Variants in PCDH15 observed in about 807,000 individuals in gnomAD.
PCDH15 encodes the protein protocadherin-15.
PCDH15 carries 129 observed loss-of-function variants against 178.5 expected under a neutral mutation model. The observed-to-expected ratio is 0.72, with a 90% CI of 0.63 to 0.84. PCDH15 has a LOEUF of 0.84. PCDH15 is among the 40% of genes least tolerant of loss of function. The probability of loss-of-function intolerance (pLI) is 0.00; values close to 1 mark genes in which losing one functional copy is unlikely to be tolerated. For synonymous variants in PCDH15, 800 were observed against 732.0 expected (o/e 1.09, Z -1.50); for missense variants, 2,230 against 2,099.9 (o/e 1.06, Z -1.21).
intron 3 of PCDH15, among the ~76,000 whole-genome samples, chr10:54,511,600 T>C (rs1236844909): frequency 6.6e-6 from 1 of 152,198 alleles, no homozygotes; most frequent in Non-Finnish European, 1.5e-5. Context: ...TATCATACGG[T>C]CACTTTATGG....
chr10:55,186,337 T>C (rs1839799103), intron 1 of PCDH15, among the ~76,000 whole-genome samples: 2 of 151,472 alleles, frequency 1.3e-5, no homozygotes, highest in Admixed American at 1.3e-4. Context: ...CATTTTTCTT[T>C]GTATTTTTTA....
chr10:54,470,104 G>A (rs2077800144), intron 3 of PCDH15, among the ~76,000 whole-genome samples: 1 of 152,166 alleles, frequency 6.6e-6, no homozygotes, highest in Non-Finnish European at 1.5e-5. Context: ...GTATACAGGG[G>A]TGGAGTGATC....
intron 21 of PCDH15, among the ~76,000 whole-genome samples, chr10:53,990,073 A>G (rs201550278): frequency 6.6e-6 from 1 of 152,186 alleles, no homozygotes; most frequent in Admixed American, 6.5e-5. Context: ...GGAAATGTCC[A>G]TAATTACATA....
At chr10:55,121,783 A>C (rs577569099) in intron 2 of PCDH15, among the ~76,000 whole-genome samples, 6 of 152,224 alleles carry the variant, frequency 3.9e-5, no homozygotes, top group Non-Finnish European at 7.4e-5. Flanking sequence ...ATATAAGGAC[A>C]CAACTTTCAT....
At chr10:54,898,368 T>C (rs908758979) in intron 2 of PCDH15, among the ~76,000 whole-genome samples, 1 of 152,122 alleles carries the variant, frequency 6.6e-6, no homozygotes, top group African/African-American at 2.4e-5. Flanking sequence ...AATAATACAA[T>C]AATAAACTAG....
intron 2 of PCDH15, chr10:54,599,627 C>T: frequency 3.0e-6 from 1 of 332,154 alleles, no homozygotes; most frequent in South Asian, 2.9e-5. Context: ...ATGCCAAAAG[C>T]AATCACAGCA....
At chr10:54,112,842 A>T (rs1219359192) in intron 15 of PCDH15, among the ~76,000 whole-genome samples, 1 of 152,198 alleles carries the variant, frequency 6.6e-6, no homozygotes, top group African/African-American at 2.4e-5. Context: ...CTGGGGTAAC[A>T]GTTCATTACA....
chr10:54,015,700 G>C (rs1428964396), intron 20 of PCDH15, among the ~76,000 whole-genome samples: 1 of 152,138 alleles, frequency 6.6e-6, no homozygotes, highest in South Asian at 2.1e-4. Flanking sequence ...CTATACATAT[G>C]TAGAAAAATG....
chr10:53,809,631 A>C (rs2075795370), intron 37 of PCDH15: 5 of 1,303,654 alleles, frequency 3.8e-6, no homozygotes, highest in Non-Finnish European at 2.1e-6. Flanking sequence ...CGCAGGAATG[A>C]ATCTGTGGGT....
chr10:53,840,574 A>G, intron 28 of PCDH15, 78 bp from the exon 29 acceptor site: 1 of 1,325,026 alleles, frequency 7.5e-7, no homozygotes, highest in Admixed American at 1.9e-5. Flanking sequence ...ACTTGAAAAG[A>G]CATTTAGTAA....
At chr10:54,025,090 T>C (rs1372777009) in intron 18 of PCDH15, among the ~76,000 whole-genome samples, 1 of 152,190 alleles carries the variant, frequency 6.6e-6, no homozygotes, top group African/African-American at 2.4e-5. Context: ...TAATTGAATA[T>C]TTATTATGGT....
At chr10:54,357,882 T>C (rs528646780) in intron 5 of PCDH15, among the ~76,000 whole-genome samples, 37 of 152,182 alleles carry the variant, frequency 2.4e-4, no homozygotes, top group Admixed American at 2.0e-4. Context: ...TATCTGATCT[T>C]TGACAAACCT....
intron 1 of PCDH15, among the ~76,000 whole-genome samples, chr10:54,691,956 A>T (rs2095129814): frequency 6.6e-6 from 1 of 152,196 alleles, no homozygotes; most frequent in Admixed American, 6.5e-5. Flanking sequence ...TGGCCACTTC[A>T]CAAGGAAGAA....
At chr10:54,288,521 G>C (rs553241616) in intron 8 of PCDH15, among the ~76,000 whole-genome samples, 2 of 152,080 alleles carry the variant, frequency 1.3e-5, no homozygotes, top group Non-Finnish European at 2.9e-5. Context: ...TTGAATAGTG[G>C]GTGCAGCCCA....
intron 15 of PCDH15, among the ~76,000 whole-genome samples, chr10:54,116,423 C>T (rs1331832859): frequency 8.5e-5 from 13 of 152,206 alleles, no homozygotes; most frequent in South Asian, 4.1e-4. Flanking sequence ...AGAAGGTTTA[C>T]GGGACCAAGA....
chr10:54,455,615 C>T (rs2076766895), intron 3 of PCDH15, among the ~76,000 whole-genome samples: 2 of 151,988 alleles, frequency 1.3e-5, no homozygotes, highest in African/African-American at 4.8e-5. Context: ...CAAGAGGAAG[C>T]AGAGAATAAA....
intron 2 of PCDH15, among the ~76,000 whole-genome samples, chr10:54,973,408 T>C (rs1202016909): frequency 6.6e-6 from 1 of 152,224 alleles, no homozygotes; most frequent in Non-Finnish European, 1.5e-5. Flanking sequence ...ATATGCACAT[T>C]TGTAACCCAA....
rs1163261120 is a variant in PCDH15 at position 54,103,762 on chromosome 10, T to A, written c.1918-13699A>T. Among the ~76,000 whole-genome samples the A allele has an allele frequency of 2.0e-5, 3 of 152,282 alleles. No individual in the cohort carries two copies. In the East Asian group the frequency reaches 5.8e-4, roughly 29 times the overall value. On this transcript the variant is annotated intron_variant, in intron 15 of 37. Coordinates refer to ENST00000644397, the MANE Select transcript of PCDH15 (RefSeq NM_001384140.1). ...CAAATAAATTATTATAACCTTTTTT[T>A]AACTCCTGAAGCTGCAACATTAAAT...
At chr10:54,449,024 TC>T (rs1174099675) in intron 3 of PCDH15, among the ~76,000 whole-genome samples, 1 of 151,738 alleles carries the variant, frequency 6.6e-6, no homozygotes, top group African/African-American at 2.4e-5. Context: ...TTTTTCTTTT[TC>T]CCCATATCTA....
Sources: gnomAD v4.1 joint callset for allele counts (sites outside exome capture counted in the v4.1 genomes callset) on GRCh38, gnomAD v4.1.1 for gene constraint, MANE v1.5 for transcripts, NCBI Gene and HGNC (gene_info 2026-07-23, HGNC 2026-07-21) for gene names.